The following TNFSF18 variants were observed in gnomAD, a reference collection of about 807,000 sequenced individuals.
TNFSF18 encodes TNF superfamily member 18, also known as tumor necrosis factor ligand superfamily member 18.
TNFSF18 carries 6 observed loss-of-function variants against 9.6 expected under a neutral mutation model. The ratio of observed to expected loss-of-function variants is 0.63; its 90% CI spans 0.34 to 1.24. The LOEUF (loss-of-function observed/expected upper bound fraction) is 1.24, where lower values mean the gene tolerates loss of function less well. Ranked by LOEUF, TNFSF18 falls within the 50% of genes most tolerant of loss-of-function variation. The probability of loss-of-function intolerance (pLI) is 0.03; values close to 1 mark genes in which losing one functional copy is unlikely to be tolerated. For missense variants in TNFSF18, 210 were observed against 201.0 expected, an observed-to-expected ratio of 1.04 and a Z score of -0.27; for synonymous variants, 68 against 71.7, an observed-to-expected ratio of 0.95 and a Z score of 0.26.
chr1:173,045,589 A>C (rs1358712316), intron 1 of TNFSF18, among the ~76,000 whole-genome samples: 1 of 152,146 alleles, frequency 6.6e-6, no homozygotes, highest in Non-Finnish European at 1.5e-5. Context: ...AGAGCAGAAA[A>C]AAATGAGTGG....
chr1:173,041,803 A>T, intron 2 of TNFSF18, 90 bp from the exon 3 acceptor site: 1 of 1,041,730 alleles, frequency 9.6e-7, no homozygotes, highest in Non-Finnish European at 1.3e-6. Flanking sequence ...TATTTACCAC[A>T]TACATGTTGT....
chr1:173,041,675 G>T lies in TNFSF18; in HGVS notation c.226C>A (p.Pro76Thr), dbSNP rs2101925847. ...PSKWQMASSE[P>T]PCVNKVSDWK... ...TCAGACACCTTATTCACGCAAGGAG[G>T]TTCAGAAGATGCCATTTGCCATTTT... Residue 76 changes from proline to threonine, a missense_variant, in exon 3 of 3, where the codon CCT (proline) becomes ACT (threonine). Physicochemically the swap from Pro to Thr is conservative, Grantham distance 38. Coordinates refer to ENST00000404377, the MANE Select transcript of TNFSF18 (RefSeq NM_005092.4). The T allele has an allele frequency of 1.2e-6, 2 of 1,609,408 alleles. No individual in the cohort carries two copies. Among genetic ancestry groups the T allele is most frequent in the Non-Finnish European group, 1.7e-6 (2 of 1,177,572 alleles).
chr1:173,044,792 T>C (rs1419244883), intron 1 of TNFSF18, among the ~76,000 whole-genome samples: 3 of 152,196 alleles, frequency 2.0e-5, no homozygotes, highest in Non-Finnish European at 4.4e-5. Context: ...AGGGCAAATG[T>C]AGTGAGACTA....
intron 1 of TNFSF18, 91 bp downstream of exon 1, chr1:173,050,650 A>G (rs1665155599): frequency 1.2e-6 from 1 of 841,332 alleles, no homozygotes; most frequent in African/African-American, 1.7e-5. Flanking sequence ...AACTATTGCT[A>G]ACAATACTGA....
At chr1:173,046,530 G>A (rs1665087213) in intron 1 of TNFSF18, among the ~76,000 whole-genome samples, 1 of 151,980 alleles carries the variant, frequency 6.6e-6, no homozygotes, top group Non-Finnish European at 1.5e-5. Context: ...GTTAAGCTCA[G>A]ATTAAAAAAT....
chr1:173,046,424 A>G (rs183999411), intron 1 of TNFSF18, among the ~76,000 whole-genome samples: 43 of 152,322 alleles, frequency 2.8e-4, no homozygotes, highest in Admixed American at 6.5e-4. Context: ...ATTTTAATCT[A>G]TATTTGTTTG....
Position 173,039,943 on chromosome 1 carries a change from A to G in TNFSF18, c.*1424T>C, listed in dbSNP as rs997279149. The G allele has an allele frequency of 6.6e-5, 10 of 151,848 alleles. No individual in the cohort carries two copies. The highest frequency in any genetic ancestry group is 2.4e-4 in the African/African-American group (10 of 41,354). 9.4% of individuals were successfully genotyped at this position (151,848 alleles called of 1,614,324 possible). On this transcript the variant is annotated 3_prime_UTR_variant, in exon 3 of 3. Coordinates refer to ENST00000404377, the MANE Select transcript of TNFSF18 (RefSeq NM_005092.4). The stretch of plus-strand genomic sequence containing the variant: ...CAATTTTTGTTAAACAAAATACAAA[A>G]AAAACCTCTTTTAAATAGCTTTACA...
rs954702848 is a variant in TNFSF18 at position 173,039,303 on chromosome 1, C to A, written c.*2064G>T. 2.0e-5 allele frequency among the ~76,000 whole-genome samples: 3 copies of A among 152,118 alleles called. No individual in the cohort carries two copies. Among genetic ancestry groups the A allele is most frequent in the Non-Finnish European group, 4.4e-5 (3 of 68,032 alleles). ...AAAACAAAAGCTAAAATTATAACAT[C>A]AGGAAAATGTAAAGGTCACCTGTTG... is the stretch of plus-strand genomic sequence containing the variant. On this transcript the variant is annotated 3_prime_UTR_variant, in exon 3 of 3. Coordinates refer to ENST00000404377, the MANE Select transcript of TNFSF18 (RefSeq NM_005092.4).
Position 173,044,848 on chromosome 1 carries a change from GTC to G in TNFSF18, c.157-881_157-880del, listed in dbSNP as rs573608501. 3.3e-3 allele frequency among the ~76,000 whole-genome samples: 506 copies of G among 152,260 alleles called. 4 individuals are homozygous for G. The highest frequency in any genetic ancestry group is 0.012 in the African/African-American group (481 of 41,546). ...ATTCATCTAGGCAAGAGAGCATGGT[GTC>G]TCTGACCAAGGTGCTAGCTCTGTAG... On this transcript the variant is annotated intron_variant, in intron 1 of 2. Coordinates refer to ENST00000404377, the MANE Select transcript of TNFSF18 (RefSeq NM_005092.4).
chr1:173,047,996 C>T (rs1665110087), intron 1 of TNFSF18, among the ~76,000 whole-genome samples: 1 of 152,134 alleles, frequency 6.6e-6, no homozygotes. Context: ...AATCACTCCC[C>T]TCTACTGGGA....
chr1:173,045,029 G>T (rs983867159), intron 1 of TNFSF18, among the ~76,000 whole-genome samples: 3 of 152,156 alleles, frequency 2.0e-5, no homozygotes, highest in African/African-American at 7.2e-5. Context: ...AGATGTAAGA[G>T]GAATAAATGG....
chr1:173,041,588 C>T lies in TNFSF18; in HGVS notation c.313G>A (p.Ala105Thr). 1 of 1,613,542 alleles carries T rather than the reference C, an allele frequency of 6.2e-7. No homozygotes were observed. The highest frequency in any genetic ancestry group is 1.3e-5 in the African/African-American group (1 of 75,016). ...YLIYGQVAPN[A>T]NYNDVAPFEV... ...AAAGGAGCTACATCATTGTAGTTTG[C>T]ATTGGGAGCCACTTGGCCATAAATT... Residue 105 changes from alanine to threonine, a missense_variant, in exon 3 of 3, where the codon GCA becomes ACA. By Grantham distance (58) the Ala-to-Thr change is moderately conservative. Coordinates refer to ENST00000404377, the MANE Select transcript of TNFSF18 (RefSeq NM_005092.4).
Position 173,050,933 on chromosome 1 carries a change from A to C in TNFSF18, c.-37T>G. ...TGAGAGCTGTGGAAAACAAAAATTC[A>C]CAAGTGATGGGTGAAGGATGCAATG... On this transcript the variant is annotated 5_prime_UTR_variant, in exon 1 of 3. Coordinates refer to ENST00000404377, the MANE Select transcript of TNFSF18 (RefSeq NM_005092.4). The C allele has an allele frequency of 6.2e-7, 1 of 1,613,684 alleles. No homozygotes were observed.
chr1:173,047,433 T>C (rs1665102853), intron 1 of TNFSF18, among the ~76,000 whole-genome samples: 1 of 152,260 alleles, frequency 6.6e-6, no homozygotes, highest in Admixed American at 6.5e-5. Flanking sequence ...TATTAGCTGT[T>C]TGGGTGATGA....
chr1:173,045,904 T>G (rs1665073806), intron 1 of TNFSF18, among the ~76,000 whole-genome samples: 1 of 152,154 alleles, frequency 6.6e-6, no homozygotes, highest in Non-Finnish European at 1.5e-5. Context: ...AATGAGTTGT[T>G]GATATTGGAA....
intron 1 of TNFSF18, among the ~76,000 whole-genome samples, chr1:173,048,939 G>T (rs1665124378): frequency 6.6e-6 from 1 of 152,200 alleles, no homozygotes; most frequent in Non-Finnish European, 1.5e-5. Context: ...ATCATGTATG[G>T]TTGGCCAGGC....
intron 2 of TNFSF18, 110 bp from the exon 3 acceptor site, chr1:173,041,823 T>TCCCACCGA: frequency 3.6e-6 from 3 of 835,006 alleles, no homozygotes; most frequent in South Asian, 2.7e-5. Flanking sequence ...TTTCTTTACC[T>TCCCACCGA]GATCTACACT....
chr1:173,044,809 A>T (rs1201495762), intron 1 of TNFSF18, among the ~76,000 whole-genome samples: 1 of 152,182 alleles, frequency 6.6e-6, no homozygotes, highest in East Asian at 1.9e-4. Context: ...ACTAGCTAAG[A>T]GATCATTACA....
At chr1:173,045,880 T>G (rs531113799) in intron 1 of TNFSF18, among the ~76,000 whole-genome samples, 1 of 152,198 alleles carries the variant, frequency 6.6e-6, no homozygotes, top group South Asian at 2.1e-4. Flanking sequence ...ACAGTATACC[T>G]GGACACAAAT....
Sources: allele counts gnomAD v4.1 joint callset (sites outside exome capture counted in the v4.1 genomes callset), GRCh38; gene constraint gnomAD v4.1.1; transcripts MANE v1.5; gene names NCBI Gene and HGNC (gene_info 2026-07-23, HGNC 2026-07-21).